The following PEAR1 variants were observed in gnomAD, a reference collection of about 807,000 sequenced individuals.
PEAR1 encodes the protein multiple EGF-like domains protein 12.
PEAR1 carries 113 observed loss-of-function variants against 131.2 expected under a neutral mutation model. The observed-to-expected ratio is 0.86, with a 90% CI of 0.74 to 1.01. PEAR1 has a LOEUF of 1.01. Ranked by LOEUF, PEAR1 falls within the 50% of genes least tolerant of loss-of-function variation. The pLI is 0.00. For synonymous variants in PEAR1, 565 were observed against 523.3 expected (o/e 1.08, Z -1.09); for missense variants, 1,408 against 1,391.1 (o/e 1.01, Z -0.19).
At chr1:156,906,550 G>T (rs1476685272) in intron 5 of PEAR1, 87 bp from the exon 6 acceptor site, 2 of 1,576,720 alleles carry the variant, frequency 1.3e-6, no homozygotes, top group African/African-American at 1.3e-5. Flanking sequence ...TGTGGGGGCT[G>T]GGAGACAGAG....
At position 156,903,842 on chromosome 1, in the gene PEAR1, C is replaced by T; in HGVS notation, c.-9-76C>T. On this transcript the variant is annotated intron_variant, in intron 1 of 22. Coordinates refer to ENST00000292357, the MANE Select transcript of PEAR1 (RefSeq NM_001080471.3). ...TCTGGTCTCTTCTGCATGCCCACGG[C>T]TCAGATCTCTGCAGACAGGTCCTCC... 3.2e-6 allele frequency: 4 copies of T among 1,243,832 alleles called. No individual in the cohort carries two copies. The Admixed American group carries it at 6.8e-5, about 21-fold the overall frequency. 77.0% of individuals were successfully genotyped at this position (1,243,832 alleles called of 1,614,324 possible). A position where few individuals can be genotyped will look rare whatever the true frequency, so the allele number is the denominator to read the frequency against.
In PEAR1 at chr1:156,904,753, C is replaced by T. The variant is rs779189362; in HGVS notation, c.107C>T (p.Thr36Ile). 1.2e-6 allele frequency: 2 copies of T among 1,611,136 alleles called. No individual in the cohort carries two copies. The highest frequency in any genetic ancestry group is 2.2e-5 in the East Asian group (1 of 44,864). Reference protein sequence around the residue: ...PNTCSFWESFTTTTKESHSRP... With the variant: ...PNTCSFWESFITTTKESHSRP... ...CCCTGTTCCCTGTCTTGCAGCTTCA[C>T]TACCACCACCAAGGAGTCCCACTCC... The change falls in exon 3 of 23, where the codon ACT (threonine) becomes ATT (isoleucine). Residue 36 changes from threonine to isoleucine, a missense_variant. By Grantham distance (89) the Thr-to-Ile change is moderately conservative. Coordinates refer to ENST00000292357, the MANE Select transcript of PEAR1 (RefSeq NM_001080471.3).
chr1:156,911,305 G>A (rs1313593807), intron 15 of PEAR1, among the ~76,000 whole-genome samples: 5 of 113,374 alleles, frequency 4.4e-5, no homozygotes, highest in Admixed American at 1.2e-4. Flanking sequence ...TTTTTGACAC[G>A]GAATCTCACT....
chr1:156,905,766 T>C (rs1650233187), intron 4 of PEAR1, among the ~76,000 whole-genome samples: 1 of 152,132 alleles, frequency 6.6e-6, no homozygotes, highest in African/African-American at 2.4e-5. Context: ...CAGGACTTGG[T>C]GTCTGGGTCT....
At chr1:156,910,487 A>AC (rs1650935800) in intron 14 of PEAR1, 107 bp downstream of exon 14, 6 of 1,538,874 alleles carry the variant, frequency 3.9e-6, no homozygotes, top group Non-Finnish European at 5.3e-6. Context: ...CTCCCACCTT[A>AC]CCCCCGGTCT....
At position 156,912,610 on chromosome 1, in the gene PEAR1, C is replaced by T. The variant is rs749162792; in HGVS notation, c.2197C>T (p.Pro733Ser). Residue 733 changes from proline (P) to serine (S), a missense_variant, in exon 17 of 23, where the codon CCT becomes TCT. Coordinates refer to ENST00000292357, the MANE Select transcript of PEAR1 (RefSeq NM_001080471.3). ...CVCPPGHSGA[P>S]CRIGIQEPFT... ...ATGTCCCCCAGGGCACAGTGGTGCA[C>T]CTTGCAGGATTGGTGAGTTCTTTGC... 12 of 1,613,494 alleles carry T rather than the reference C, an allele frequency of 7.4e-6. No homozygotes were observed. The highest frequency in any genetic ancestry group is 3.3e-5 in the Admixed American group (2 of 59,958).
chr1:156,913,775 GCAA>G lies in PEAR1; in HGVS notation c.2713+19_2713+21del, dbSNP rs778154133. The G allele has an allele frequency of 8.7e-6, 14 of 1,613,284 alleles. No individual in the cohort carries two copies. The highest frequency in any genetic ancestry group is 1.7e-5 in the Admixed American group (1 of 59,930). On this transcript the variant is annotated intron_variant, in intron 21 of 22. Transcript: ENST00000292357. ...CTACAATAAAGGTATGGGCACAGGG[GCAA>G]CAAGGGAGGTGGCTGAGCTGGGGCT...
chr1:156,905,411 G>A lies in PEAR1; in HGVS notation c.294G>A (p.Arg98=). The change falls in exon 4 of 23, where the codon AGG becomes AGA. Residue 98 remains arginine (R), a synonymous_variant. Transcript: ENST00000292357. ...GCTGCCATGGCTTCTATGAGAGCAG[G>A]GGGTTCTGTGTCCGTGAGTCCAGGG... ...LQCCHGFYES[R]GFCVPLCAQE... 1 of 1,605,254 alleles carries A rather than the reference G, an allele frequency of 6.2e-7. No individual in the cohort carries two copies. Among genetic ancestry groups the A allele is most frequent in the Non-Finnish European group, 8.5e-7 (1 of 1,175,878 alleles).
At chr1:156,914,131 G>T in intron 22 of PEAR1, 31 bp downstream of exon 22, 1 of 1,541,386 alleles carries the variant, frequency 6.5e-7, no homozygotes, top group Non-Finnish European at 8.7e-7. Flanking sequence ...GGCAGGAGCA[G>T]CAGAGAACTG....
At position 156,913,276 on chromosome 1, in the gene PEAR1, T is replaced by C. The variant is rs763893700; in HGVS notation, c.2505T>C (p.Pro835=). The change falls in exon 19 of 23, where the codon CCT becomes CCC. Residue 835 remains proline (P), a synonymous_variant. Transcript: ENST00000292357. ...AGTGCTCCCCAAACCCCCCACCCCC[T>C]AACAAGGTCAGTGCCGGGGGAGGGG... ...LSQCSPNPPP[P]NKVPGPLFAS... is the part of the protein sequence containing the mutation. The C allele has an allele frequency of 2.5e-6, 4 of 1,604,292 alleles. No homozygotes were observed. The highest frequency in any genetic ancestry group is 3.4e-5 in the Admixed American group (2 of 59,366).
intron 1 of PEAR1, among the ~76,000 whole-genome samples, chr1:156,894,122 C>T (rs1648925373): frequency 6.6e-6 from 1 of 152,208 alleles, no homozygotes; most frequent in South Asian, 2.1e-4. Context: ...CCCTGGTCCC[C>T]GGACTTTGTG....
Position 156,915,608 on chromosome 1 carries a change from C to T in PEAR1, c.*810C>T, listed in dbSNP as rs897447958. On this transcript the variant is annotated 3_prime_UTR_variant, in exon 23 of 23. Transcript: ENST00000292357. ...CCTCCTCCTCAGGGAAGTGCCCACC[C>T]TCCGTACATCTTTCACAGCCCTGAT... is the stretch of plus-strand genomic sequence containing the variant. 2 of 152,326 alleles carry T rather than the reference C, an allele frequency of 1.3e-5. No homozygotes were observed. Among genetic ancestry groups the T allele is most frequent in the African/African-American group, 4.8e-5 (2 of 41,454 alleles). The allele number at this position is 152,326 out of a possible 1,614,324, so 9.4% of individuals were successfully genotyped here. A position where few individuals can be genotyped will look rare whatever the true frequency, so the allele number is the denominator to read the frequency against.
chr1:156,908,107 C>A lies in PEAR1; in HGVS notation c.903-21C>A. On this transcript the variant is annotated intron_variant, in intron 8 of 22. Transcript: ENST00000292357. The surrounding 1 kb of genome is among the most constrained non-coding windows in gnomAD (Gnocchi z 4.2). Reference sequence around the variant, plus strand: ...AGGGAGGAGGTGGGGCGCCGCCAGGCTCACTCAGCTAGGTGCCCAGGTGCC... The same window carrying A: ...AGGGAGGAGGTGGGGCGCCGCCAGGATCACTCAGCTAGGTGCCCAGGTGCC... The A allele has an allele frequency of 6.3e-7, 1 of 1,591,964 alleles. No individual in the cohort carries two copies. Among genetic ancestry groups the A allele is most frequent in the Non-Finnish European group, 8.6e-7 (1 of 1,169,272 alleles).
In PEAR1 at chr1:156,906,895, G is replaced by T. The variant is rs765994950; in HGVS notation, c.644+15G>T. ...ACTGGGCCCAGGTATGTAATGGGGG[G>T]AACGACACTTTAACAAGATCGCAGA... On this transcript the variant is annotated intron_variant, in intron 6 of 22. Coordinates refer to ENST00000292357, the MANE Select transcript of PEAR1 (RefSeq NM_001080471.3). The T allele has an allele frequency of 1.9e-6, 3 of 1,611,326 alleles. No homozygotes were observed. In the South Asian group the frequency reaches 3.3e-5, roughly 18 times the overall value.
chr1:156,896,212 ATGGGAGGCATAATAGCACTTACTT>A (rs1338395912), intron 1 of PEAR1, among the ~76,000 whole-genome samples: 1 of 152,238 alleles, frequency 6.6e-6, no homozygotes, highest in African/African-American at 2.4e-5. Flanking sequence ...TCTTCATAAA[ATGGGAGGCATAATAGCACTTACTT>A]TATAGGCTTG....
Position 156,908,572 on chromosome 1 carries a change from C to T in PEAR1, c.1116-83C>T. ...CCCCTTACCCCAGCGATGTGCGAATCCCACTGACCACGCGGAGGGGTCGGG... is the reference window on the plus strand; with the variant it reads ...CCCCTTACCCCAGCGATGTGCGAATTCCACTGACCACGCGGAGGGGTCGGG... On this transcript the variant is annotated intron_variant, in intron 9 of 22. Transcript: ENST00000292357. This position sits in a 1 kb window ranked among gnomAD's most constrained non-coding sequence, Gnocchi z 4.2. The T allele has an allele frequency of 3.0e-6, 4 of 1,352,308 alleles. No homozygotes were observed. Among genetic ancestry groups the T allele is most frequent in the South Asian group, 1.5e-5 (1 of 67,764 alleles). 83.8% of individuals were successfully genotyped at this position (1,352,308 alleles called of 1,614,324 possible).
Position 156,906,764 on chromosome 1 carries a change from G to A in PEAR1, c.528G>A (p.Gln176=). Residue 176 remains glutamine, a synonymous_variant, in exon 6 of 23, where the codon CAG becomes CAA. Coordinates refer to ENST00000292357, the MANE Select transcript of PEAR1 (RefSeq NM_001080471.3). ...PSGLQPPNCL[Q]PCTPGYYGPA... Reference sequence around the variant, plus strand: ...GTCTGCAGCCCCCGAACTGCCTTCAGCCCTGTACCCCTGGCTACTATGGCC... The same window carrying A: ...GTCTGCAGCCCCCGAACTGCCTTCAACCCTGTACCCCTGGCTACTATGGCC... 1 of 1,614,236 alleles carries A rather than the reference G, an allele frequency of 6.2e-7. No homozygotes were observed. The highest frequency in any genetic ancestry group is 8.5e-7 in the Non-Finnish European group (1 of 1,180,050).
chr1:156,909,412 T>A (rs761946493), intron 11 of PEAR1, among the ~76,000 whole-genome samples: 10 of 152,158 alleles, frequency 6.6e-5, no homozygotes, highest in Non-Finnish European at 1.3e-4. Context: ...CTAACAAGTC[T>A]CCCATCTTCA....
In PEAR1 at chr1:156,906,674, G is replaced by A. The variant is rs1217936787; in HGVS notation, c.438G>A (p.Lys146=). Residue 146 remains lysine, a synonymous_variant, in exon 6 of 23, where the codon AAG becomes AAA. Transcript: ENST00000292357. ...APGMWGPQCD[K]PCSCGNNSSC... is the part of the protein sequence containing the mutation. ...GAATGTGGGGGCCACAGTGTGACAA[G>A]CCCTGCAGCTGCGGCAACAACAGCT... 1 of 1,614,178 alleles carries A rather than the reference G, an allele frequency of 6.2e-7. No individual in the cohort carries two copies. Among genetic ancestry groups the A allele is most frequent in the East Asian group, 2.2e-5 (1 of 44,884 alleles).
Sources: gnomAD v4.1 joint callset for allele counts (sites outside exome capture counted in the v4.1 genomes callset) on GRCh38, gnomAD v4.1.1 for gene constraint, Gnocchi (gnomAD v3.1) non-coding constraint, MANE v1.5 for transcripts, NCBI Gene and HGNC (gene_info 2026-07-23, HGNC 2026-07-21) for gene names.